Variants in ASXL2 observed in about 807,000 individuals in gnomAD.
The protein encoded by ASXL2 is putative Polycomb group protein ASXL2.
Under a neutral mutation model 122.0 loss-of-function variants are expected in ASXL2, and 23 were observed. The ratio of observed to expected loss-of-function variants is 0.19; its 90% CI spans 0.14 to 0.27. The LOEUF is 0.27. Among genes scored for constraint, ASXL2 ranks in the 10% least tolerant of loss-of-function variants. The pLI is 1.00. For missense variants in ASXL2, 1,518 were observed against 1,713.8 expected (o/e 0.89, Z 2.02); for synonymous variants, 650 against 637.0 (o/e 1.02, Z -0.31).
intron 1 of ASXL2, among the ~76,000 whole-genome samples, chr2:25,864,939 C>G (rs1384352901): frequency 1.3e-5 from 2 of 151,546 alleles, no homozygotes; most frequent in Non-Finnish European, 2.9e-5. Context: ...TCGAGCGATT[C>G]TTCTGCCTCA....
Position 25,738,702 on chromosome 2 carries a change from G to T in ASXL2, c.*3327C>A, listed in dbSNP as rs1231462887. ...AATAATAAACAACAGAATGTTAACT[G>T]TCAGGTCATTAATATGTATGACTTT... On this transcript the variant is annotated 3_prime_UTR_variant, in exon 13 of 13. Coordinates refer to ENST00000435504, the MANE Select transcript of ASXL2 (RefSeq NM_018263.6). 1 of 152,142 alleles carries T rather than the reference G, an allele frequency of 6.6e-6. No individual in the cohort carries two copies. Among genetic ancestry groups the T allele is most frequent in the African/African-American group, 2.4e-5 (1 of 41,438 alleles). 9.4% of individuals were successfully genotyped at this position (152,142 alleles called of 1,614,324 possible). A position where few individuals can be genotyped will look rare whatever the true frequency, so the allele number is the denominator to read the frequency against.
intron 3 of ASXL2, among the ~76,000 whole-genome samples, chr2:25,815,493 C>CT (rs2089221757): frequency 6.6e-6 from 1 of 151,998 alleles, no homozygotes; most frequent in Non-Finnish European, 1.5e-5. Flanking sequence ...TCCTATACTT[C>CT]TCTGAAACAC....
chr2:25,834,283 G>A (rs1316428180), intron 3 of ASXL2, among the ~76,000 whole-genome samples: 1 of 152,044 alleles, frequency 6.6e-6, no homozygotes, highest in Non-Finnish European at 1.5e-5. Context: ...AACCTGGGAG[G>A]CAGAGGTTGC....
intron 3 of ASXL2, among the ~76,000 whole-genome samples, chr2:25,816,397 A>T (rs2089234885): frequency 6.6e-6 from 1 of 152,208 alleles, no homozygotes; most frequent in African/African-American, 2.4e-5. Context: ...ACGTTACAGT[A>T]AGTGAAATAT....
intron 5 of ASXL2, among the ~76,000 whole-genome samples, chr2:25,792,407 C>G (rs752957228): frequency 4.6e-5 from 7 of 151,774 alleles, no homozygotes; most frequent in African/African-American, 7.3e-5. Context: ...GTGGACTGCT[C>G]AACAGATTAA....
In ASXL2 at chr2:25,742,653, G is replaced by A; in HGVS notation, c.3684C>T (p.Ser1228=). The change falls in exon 13 of 13, where the codon AGC becomes AGT. Residue 1228 remains serine, a synonymous_variant. Coordinates refer to ENST00000435504, the MANE Select transcript of ASXL2 (RefSeq NM_018263.6). ...ETLSTSDCLA[S]KNVKAEIPLN... ...ATGGTATCTCAGCCTTCACATTCTT[G>A]CTAGCTAAGCAATCACTGGTAGATA... 6.2e-7 allele frequency: 1 copy of A among 1,613,936 alleles called. No individual in the cohort carries two copies. The highest frequency in any genetic ancestry group is 1.3e-5 in the African/African-American group (1 of 75,030).
chr2:25,754,777 A>T (rs947489119), intron 10 of ASXL2, among the ~76,000 whole-genome samples: 17 of 152,118 alleles, frequency 1.1e-4, no homozygotes, highest in African/African-American at 4.1e-4. Context: ...TCCTTTACCA[A>T]TTTATTCTTA....
intron 1 of ASXL2, among the ~76,000 whole-genome samples, chr2:25,845,810 C>T (rs977710088): frequency 5.9e-5 from 9 of 152,072 alleles, no homozygotes; most frequent in African/African-American, 2.2e-4. Flanking sequence ...ATCATAGGTG[C>T]ACAATAAATT....
chr2:25,776,656 G>A (rs898631898), intron 5 of ASXL2, among the ~76,000 whole-genome samples: 1 of 152,142 alleles, frequency 6.6e-6, no homozygotes, highest in Admixed American at 6.6e-5. Flanking sequence ...CCTTGCCAAT[G>A]CTTATTATTG....
At chr2:25,839,680 T>C (rs761223918) in intron 2 of ASXL2, among the ~76,000 whole-genome samples, 1 of 146,030 alleles carries the variant, frequency 6.8e-6, no homozygotes, top group Non-Finnish European at 1.5e-5. Context: ...TGGAGTGCAG[T>C]GGCACGATCA....
At chr2:25,764,417 T>C (rs1159533767) in intron 8 of ASXL2, among the ~76,000 whole-genome samples, 1 of 152,096 alleles carries the variant, frequency 6.6e-6, no homozygotes, top group Non-Finnish European at 1.5e-5. Flanking sequence ...TAACACTAAC[T>C]AATGAGCTAT....
chr2:25,793,057 A>T (rs977011066), intron 5 of ASXL2, among the ~76,000 whole-genome samples: 1 of 151,732 alleles, frequency 6.6e-6, no homozygotes, highest in Non-Finnish European at 1.5e-5. Context: ...GTTTGAGACC[A>T]GCCTGCCCAA....
At chr2:25,831,936 T>C (rs2089458819) in intron 3 of ASXL2, among the ~76,000 whole-genome samples, 1 of 152,204 alleles carries the variant, frequency 6.6e-6, no homozygotes. Context: ...GGAAGTGGCA[T>C]GACATTTCAC....
chr2:25,743,491 T>C lies in ASXL2; in HGVS notation c.2846A>G (p.Asn949Ser). The change falls in exon 13 of 13, where the codon AAT (asparagine) becomes AGT (serine). Residue 949 changes from asparagine (N) to serine (S), a missense_variant. Coordinates refer to ENST00000435504, the MANE Select transcript of ASXL2 (RefSeq NM_018263.6). ...TLRPTSSIPA[N>S]NPLVTQLLQG... ...AAGCAGCTGAGTCACTAAAGGATTATTAGCAGGGATACTAGAGGTTGGTCT... is the reference window on the plus strand; with the variant it reads ...AAGCAGCTGAGTCACTAAAGGATTACTAGCAGGGATACTAGAGGTTGGTCT... 6.2e-7 allele frequency: 1 copy of C among 1,613,910 alleles called. No individual in the cohort carries two copies. The highest frequency in any genetic ancestry group is 8.5e-7 in the Non-Finnish European group (1 of 1,179,890).
chr2:25,863,244 C>T (rs1387309860), intron 1 of ASXL2, among the ~76,000 whole-genome samples: 5 of 149,394 alleles, frequency 3.3e-5, no homozygotes, highest in African/African-American at 1.2e-4. Context: ...GCAGGAGAAT[C>T]GCTTGAACCC....
At chr2:25,857,844 T>C (rs987290755) in intron 1 of ASXL2, among the ~76,000 whole-genome samples, 5 of 152,144 alleles carry the variant, frequency 3.3e-5, no homozygotes, top group Admixed American at 6.6e-5. Context: ...TTAAATTCCA[T>C]GCAGGCAGGG....
intron 5 of ASXL2, chr2:25,780,195 C>A (rs1238650072): frequency 6.6e-6 from 1 of 151,962 alleles, no homozygotes; most frequent in Non-Finnish European, 1.5e-5. Context: ...AGATCATATA[C>A]CACCAACTGT....
chr2:25,739,805 T>C lies in ASXL2; in HGVS notation c.*2224A>G, dbSNP rs2087796813. ...GAAAAAGGTAAAGCAGAAAAATCACTTTCATCAATCCAAACTGGTAACTGA... is the reference window on the plus strand; with the variant it reads ...GAAAAAGGTAAAGCAGAAAAATCACCTTCATCAATCCAAACTGGTAACTGA... On this transcript the variant is annotated 3_prime_UTR_variant, in exon 13 of 13. Transcript: ENST00000435504. 1 of 221,538 alleles carries C rather than the reference T, an allele frequency of 4.5e-6. No homozygotes were observed. The highest frequency in any genetic ancestry group is 9.0e-6 in the Non-Finnish European group (1 of 110,602). 13.7% of individuals were successfully genotyped at this position (221,538 alleles called of 1,614,324 possible).
chr2:25,817,642 G>T (rs1298371227), intron 3 of ASXL2, among the ~76,000 whole-genome samples: 1 of 152,164 alleles, frequency 6.6e-6, no homozygotes, highest in Admixed American at 6.6e-5. Context: ...GGAAACTTCT[G>T]AAAGACAATA....
Sources: allele counts gnomAD v4.1 joint callset (sites outside exome capture counted in the v4.1 genomes callset), GRCh38; gene constraint gnomAD v4.1.1; transcripts MANE v1.5; gene names NCBI Gene and HGNC (gene_info 2026-07-23, HGNC 2026-07-21).